ADAMTS12: variants seen among roughly 807,000 people sequenced by gnomAD.
ADAMTS12 encodes ADAM metallopeptidase with thrombospondin type 1 motif 12, also known as A disintegrin and metalloproteinase with thrombospondin motifs 12.
A neutral mutation model predicts 167.8 loss-of-function variants in ADAMTS12; 118 were observed. That is an observed-to-expected ratio of 0.70 (90% CI 0.61 to 0.82). The LOEUF (loss-of-function observed/expected upper bound fraction) is 0.82. ADAMTS12 is among the 40% of genes least tolerant of loss of function. ADAMTS12 has a pLI of 0.00. For missense variants in ADAMTS12, 1,916 were observed against 1,998.8 expected (o/e 0.96, Z 0.79); for synonymous variants, 704 against 716.9 (o/e 0.98, Z 0.29).
At chr5:33,543,467 TA>T (rs1744808147) in intron 22 of ADAMTS12, among the ~76,000 whole-genome samples, 1 of 152,202 alleles carries the variant, frequency 6.6e-6, no homozygotes, top group Non-Finnish European at 1.5e-5. Flanking sequence ...ATTCTGAAAC[TA>T]TTCCAATCAA....
chr5:33,758,730 T>C (rs1435786736), intron 2 of ADAMTS12, among the ~76,000 whole-genome samples: 3 of 152,044 alleles, frequency 2.0e-5, no homozygotes, highest in Non-Finnish European at 4.4e-5. Flanking sequence ...TCATGGGGGT[T>C]TGTCAGACTC....
intron 2 of ADAMTS12, among the ~76,000 whole-genome samples, chr5:33,818,776 A>G (rs1440099106): frequency 2.0e-5 from 3 of 152,096 alleles, no homozygotes; most frequent in East Asian, 1.9e-4. Flanking sequence ...GTAATAGCCA[A>G]ACTTACCAGT....
At chr5:33,645,370 T>C (rs1395783716) in intron 9 of ADAMTS12, among the ~76,000 whole-genome samples, 1 of 152,138 alleles carries the variant, frequency 6.6e-6, no homozygotes, top group African/African-American at 2.4e-5. Context: ...TTCCTTTTGG[T>C]TGATTTCTTC....
intron 3 of ADAMTS12, among the ~76,000 whole-genome samples, chr5:33,729,403 G>A (rs1285283469): frequency 6.6e-6 from 1 of 152,192 alleles, no homozygotes; most frequent in Non-Finnish European, 1.5e-5. Flanking sequence ...TTAGTTGGCT[G>A]CATCTTATTG....
chr5:33,545,956 C>A, intron 22 of ADAMTS12, 103 bp downstream of exon 22: 1 of 1,404,130 alleles, frequency 7.1e-7, no homozygotes, highest in Non-Finnish European at 9.5e-7. Context: ...CACATGTATA[C>A]CTATGTAACA....
intron 1 of ADAMTS12, among the ~76,000 whole-genome samples, chr5:33,883,780 A>G (rs1172193497): frequency 6.6e-6 from 1 of 152,200 alleles, no homozygotes; most frequent in East Asian, 1.9e-4. Flanking sequence ...TCGCAAATTC[A>G]TGATACTAGT....
At chr5:33,833,631 C>T (rs1413359770) in intron 2 of ADAMTS12, among the ~76,000 whole-genome samples, 1 of 152,152 alleles carries the variant, frequency 6.6e-6, no homozygotes, top group African/African-American at 2.4e-5. Context: ...AGAGTAGATT[C>T]AACCAAGGAA....
intron 2 of ADAMTS12, among the ~76,000 whole-genome samples, chr5:33,810,893 C>A (rs561021245): frequency 6.6e-6 from 1 of 152,320 alleles, no homozygotes; most frequent in Non-Finnish European, 1.5e-5. Context: ...TGCTTCATAT[C>A]TAAATTAAGT....
intron 3 of ADAMTS12, among the ~76,000 whole-genome samples, chr5:33,714,356 A>G (rs1743521532): frequency 6.6e-6 from 1 of 152,130 alleles, no homozygotes; most frequent in African/African-American, 2.4e-5. Context: ...TGCAAATGCA[A>G]TGTAAATGCA....
chr5:33,648,753 G>A, intron 9 of ADAMTS12, 69 bp downstream of exon 9: 1 of 1,574,500 alleles, frequency 6.4e-7, no homozygotes, highest in Non-Finnish European at 8.7e-7. Context: ...TCCAAATATT[G>A]TCCTGGCCCT....
At chr5:33,571,782 C>G (rs1408243614) in intron 19 of ADAMTS12, among the ~76,000 whole-genome samples, 3 of 150,552 alleles carry the variant, frequency 2.0e-5, no homozygotes, top group East Asian at 1.9e-4. Context: ...ACACAAAAAA[C>G]CCTTCAAAAA....
intron 2 of ADAMTS12, among the ~76,000 whole-genome samples, chr5:33,759,026 G>C (rs1254697231): frequency 1.3e-5 from 2 of 152,178 alleles, no homozygotes; most frequent in South Asian, 4.2e-4. Flanking sequence ...ACTGAGTCTA[G>C]AAAAATCTGA....
Position 33,576,608 on chromosome 5 carries a change from C to G in ADAMTS12, c.3418G>C (p.Val1140Leu), listed in dbSNP as rs777445566. ...SSSRNPITWP[V>L]TPFYNTLTKG... ...GTCAAGGTATTGTAAAATGGAGTCA[C>G]AGGCCAAGTGATAGGGTTGCGGGAA... The change falls in exon 19 of 24, where the codon GTG (valine) becomes CTG (leucine). Residue 1140 changes from valine to leucine, a missense_variant. By Grantham distance (32) the Val-to-Leu change is conservative. Transcript: ENST00000504830. 6.2e-7 allele frequency: 1 copy of G among 1,614,220 alleles called. No individual in the cohort carries two copies. The highest frequency in any genetic ancestry group is 8.5e-7 in the Non-Finnish European group (1 of 1,180,048).
chr5:33,722,095 T>C (rs971654418), intron 3 of ADAMTS12, among the ~76,000 whole-genome samples: 21 of 152,312 alleles, frequency 1.4e-4, no homozygotes, highest in African/African-American at 5.1e-4. Flanking sequence ...GTGTTTCTCT[T>C]GGTAAGAATA....
intron 16 of ADAMTS12, among the ~76,000 whole-genome samples, chr5:33,604,593 T>A (rs1163859549): frequency 6.9e-6 from 1 of 144,762 alleles, no homozygotes; most frequent in African/African-American, 2.6e-5. Flanking sequence ...GTTTTAGGCC[T>A]GGGAAGTTAG....
Position 33,588,746 on chromosome 5 carries a change from T to C in ADAMTS12, c.2718A>G (p.Arg906=). 15 of 1,614,128 alleles carry C rather than the reference T, an allele frequency of 9.3e-6. No homozygotes were observed. Among genetic ancestry groups the C allele is most frequent in the Non-Finnish European group, 1.3e-5 (15 of 1,180,036 alleles). Residue 906 remains arginine (R), a synonymous_variant, in exon 18 of 24, where the codon CGA becomes CGG. Coordinates refer to ENST00000504830, the MANE Select transcript of ADAMTS12 (RefSeq NM_030955.4). ...ATCGPHGEKK[R]TVLCIQTMVS... The stretch of plus-strand genomic sequence containing the variant: ...CCATGGTCTGGATGCACAGCACGGT[T>C]CGCTTCTTCTCCCCGTGGGGCCCGC...
At chr5:33,701,160 CA>C (rs79553369) in intron 3 of ADAMTS12, among the ~76,000 whole-genome samples, 20,734 of 152,140 alleles carry the variant, frequency 0.14, 1,692 homozygotes, top group South Asian at 0.36. Flanking sequence ...TAAATGAAAA[CA>C]AGATAAAGTT....
intron 17 of ADAMTS12, among the ~76,000 whole-genome samples, chr5:33,595,359 T>C (rs1561154802): frequency 6.6e-6 from 1 of 152,202 alleles, no homozygotes; most frequent in Non-Finnish European, 1.5e-5. Context: ...TTAGTTGTCA[T>C]AGCCTGGACT....
chr5:33,697,026 T>C (rs1251255494), intron 3 of ADAMTS12, among the ~76,000 whole-genome samples: 2 of 152,224 alleles, frequency 1.3e-5, no homozygotes, highest in Non-Finnish European at 2.9e-5. Context: ...AGCTTTTTAT[T>C]ACATACCTCC....
Sources: gnomAD v4.1 joint callset for allele counts (sites outside exome capture counted in the v4.1 genomes callset) on GRCh38, gnomAD v4.1.1 for gene constraint, MANE v1.5 for transcripts, NCBI Gene and HGNC (gene_info 2026-07-23, HGNC 2026-07-21) for gene names.